The following KCNMA1 variants were observed in gnomAD, a reference collection of about 807,000 sequenced individuals.
KCNMA1 encodes potassium calcium-activated channel subfamily M alpha 1.
In KCNMA1, 29 loss-of-function variants were observed where a neutral mutation model predicts 140.0. That is an observed-to-expected ratio of 0.21 (90% CI 0.15 to 0.28). The LOEUF (loss-of-function observed/expected upper bound fraction) is 0.28, where lower values mean the gene tolerates loss of function less well. Among genes scored for constraint, KCNMA1 ranks in the 10% least tolerant of loss-of-function variants. The pLI is 1.00. For missense variants in KCNMA1, 880 were observed against 1,602.2 expected, an observed-to-expected ratio of 0.55 and a Z score of 7.70; for synonymous variants, 612 against 611.9, an observed-to-expected ratio of 1.00 and a Z score of 0.00.
At chr10:77,012,104 C>T (rs1203936421) in intron 17 of KCNMA1, 61 bp from the exon 18 acceptor site, 1 of 1,611,042 alleles carries the variant, frequency 6.2e-7, no homozygotes, top group East Asian at 2.2e-5. Flanking sequence ...AAATGAGTAC[C>T]ACATTTCCTC....
intron 2 of KCNMA1, among the ~76,000 whole-genome samples, chr10:77,337,229 T>A (rs2089390543): frequency 6.6e-6 from 1 of 152,184 alleles, no homozygotes; most frequent in African/African-American, 2.4e-5. Context: ...TTGTCCCTAA[T>A]GTTTTGACTT....
At chr10:77,382,921 T>C (rs1262676746) in intron 2 of KCNMA1, among the ~76,000 whole-genome samples, 33 of 113,012 alleles carry the variant, frequency 2.9e-4, no homozygotes, top group South Asian at 6.3e-4. Flanking sequence ...CACACACACA[T>C]ACATATATAT....
intron 3 of KCNMA1, among the ~76,000 whole-genome samples, chr10:77,226,216 G>A (rs1314150625): frequency 6.6e-6 from 1 of 152,136 alleles, no homozygotes; most frequent in Non-Finnish European, 1.5e-5. Flanking sequence ...ACATTGCTGG[G>A]AGGGTTCTTG....
In KCNMA1 at chr10:77,403,940, G is replaced by A. The variant is rs200015007; in HGVS notation, c.462C>T (p.Ala154=). 14 of 1,613,992 alleles carry A rather than the reference G, an allele frequency of 8.7e-6. No individual in the cohort carries two copies. The highest frequency in any genetic ancestry group is 1.7e-5 in the Admixed American group (1 of 60,008). ...PVDEKEEAVA[A]EVGWMTSVKD... is the part of the protein sequence containing the mutation. ...TCACGGAGGTCATCCAGCCGACCTC[G>A]GCGGCCACTGCCTCCTCTTTTTCAT... The change falls in exon 2 of 28, where the codon GCC becomes GCT. Residue 154 remains alanine (A), a synonymous_variant. Transcript: ENST00000286628.
chr10:77,430,881 T>G (rs1371834271), intron 1 of KCNMA1, among the ~76,000 whole-genome samples: 1 of 152,200 alleles, frequency 6.6e-6, no homozygotes, highest in Non-Finnish European at 1.5e-5. Context: ...AGGCAACACA[T>G]GCTAAGGACT....
intron 3 of KCNMA1, among the ~76,000 whole-genome samples, chr10:77,218,721 C>A (rs968588554): frequency 6.6e-6 from 1 of 151,820 alleles, no homozygotes; most frequent in Non-Finnish European, 1.5e-5. Flanking sequence ...GAGTCTCACT[C>A]CATCGACCAG....
chr10:76,928,956 T>C (rs2152656224), intron 23 of KCNMA1, among the ~76,000 whole-genome samples: 1 of 152,292 alleles, frequency 6.6e-6, no homozygotes, highest in East Asian at 1.9e-4. Flanking sequence ...GCTGTATTTA[T>C]CTCTGGGACA....
At chr10:77,150,251 A>G (rs1345849805) in intron 5 of KCNMA1, among the ~76,000 whole-genome samples, 1 of 152,138 alleles carries the variant, frequency 6.6e-6, no homozygotes, top group East Asian at 1.9e-4. Flanking sequence ...ATTATTCTGG[A>G]CTGATTATCC....
At chr10:77,201,840 C>T (rs868389748) in intron 3 of KCNMA1, among the ~76,000 whole-genome samples, 2 of 151,602 alleles carry the variant, frequency 1.3e-5, no homozygotes, top group Non-Finnish European at 2.9e-5. Flanking sequence ...AAAAAAAGTG[C>T]TTGTAAAAAC....
chr10:77,263,928 T>A (rs1345678936), intron 2 of KCNMA1, among the ~76,000 whole-genome samples: 1 of 152,180 alleles, frequency 6.6e-6, no homozygotes, highest in Admixed American at 6.5e-5. Context: ...CCCTAACCTG[T>A]CTACTTCTGA....
At chr10:77,371,228 C>T (rs1194876384) in intron 2 of KCNMA1, among the ~76,000 whole-genome samples, 1 of 152,140 alleles carries the variant, frequency 6.6e-6, no homozygotes, top group Non-Finnish European at 1.5e-5. Context: ...GCAAGGTGAA[C>T]TCTGCTCAGT....
At chr10:77,371,092 G>A (rs570162060) in intron 2 of KCNMA1, among the ~76,000 whole-genome samples, 19 of 152,254 alleles carry the variant, frequency 1.2e-4, no homozygotes, top group East Asian at 1.2e-3. Flanking sequence ...ACCGCCCAGC[G>A]TTCTTTAAAG....
At chr10:77,624,739 C>CATATGACAAGTCTAAG (rs2092205096) in intron 1 of KCNMA1, among the ~76,000 whole-genome samples, 1 of 152,110 alleles carries the variant, frequency 6.6e-6, no homozygotes. Context: ...TGTAGCTAGT[C>CATATGACAAGTCTAAG]ACTTGTCATA....
chr10:77,442,824 A>C (rs551965495), intron 1 of KCNMA1, among the ~76,000 whole-genome samples: 1 of 152,238 alleles, frequency 6.6e-6, no homozygotes, highest in Admixed American at 6.5e-5. Context: ...TGGCCACAGG[A>C]GTCAGCATGT....
chr10:77,160,945 T>C (rs535572895), intron 5 of KCNMA1, among the ~76,000 whole-genome samples: 89 of 152,286 alleles, frequency 5.8e-4, no homozygotes, highest in Middle Eastern at 3.4e-3. Context: ...ACTCTCACCA[T>C]GAAATACACA....
chr10:77,480,700 C>A (rs545634553), intron 1 of KCNMA1, among the ~76,000 whole-genome samples: 74 of 152,254 alleles, frequency 4.9e-4, no homozygotes, highest in African/African-American at 1.7e-3. Context: ...GACTCTGGAG[C>A]CACAGCTTGC....
rs536158907 is a variant in KCNMA1 at position 77,600,763 on chromosome 10, A to G, written c.378+36502T>C. 1.7e-3 allele frequency among the ~76,000 whole-genome samples: 257 copies of G among 150,594 alleles called. 4 individuals are homozygous for G. The East Asian group carries it at 0.04, about 23-fold the overall frequency. On this transcript the variant is annotated intron_variant, in intron 1 of 27. Transcript: ENST00000286628. The stretch of plus-strand genomic sequence containing the variant: ...CTCCATCTCAAACACACACACACAC[A>G]CACATGCACACACACATATGCGCAC...
intron 20 of KCNMA1, among the ~76,000 whole-genome samples, chr10:76,963,143 G>C (rs2072386097): frequency 2.6e-5 from 4 of 152,164 alleles, no homozygotes; most frequent in Admixed American, 2.6e-4. Flanking sequence ...TCTTAATTAA[G>C]CAACTATTTG....
chr10:77,425,717 G>A (rs2096971754), intron 1 of KCNMA1, among the ~76,000 whole-genome samples: 2 of 152,166 alleles, frequency 1.3e-5, no homozygotes, highest in South Asian at 4.1e-4. Context: ...ATGACTAAGA[G>A]TCCTAATGAT....
Sources: allele counts gnomAD v4.1 joint callset (sites outside exome capture counted in the v4.1 genomes callset), GRCh38; gene constraint gnomAD v4.1.1; transcripts MANE v1.5; gene names NCBI Gene and HGNC (gene_info 2026-07-23, HGNC 2026-07-21).